LMBRD2: variants seen among roughly 807,000 people sequenced by gnomAD.
The protein encoded by LMBRD2 is G protein-coupled receptor-associated protein LMBRD2.
In LMBRD2, 55 loss-of-function variants were observed where a neutral mutation model predicts 94.4. That is an observed-to-expected ratio of 0.58 (90% confidence interval 0.47 to 0.73). LMBRD2 has a LOEUF of 0.73. LMBRD2 is among the 30% of genes least tolerant of loss of function. The probability of loss-of-function intolerance (pLI) is 0.00; values close to 1 mark genes in which losing one functional copy is unlikely to be tolerated. For missense variants in LMBRD2, 640 were observed against 831.9 expected (o/e 0.77, Z 2.84); for synonymous variants, 246 against 272.4 (o/e 0.90, Z 0.95).
intron 1 of LMBRD2, among the ~76,000 whole-genome samples, chr5:36,150,546 T>C (rs945999528): frequency 6.6e-6 from 1 of 152,246 alleles, no homozygotes; most frequent in African/African-American, 2.4e-5. Context: ...AGTTGCAATC[T>C]TCAGGGAAAG....
chr5:36,113,452 T>C (rs1037949066), intron 13 of LMBRD2, among the ~76,000 whole-genome samples: 1 of 152,116 alleles, frequency 6.6e-6, no homozygotes, highest in African/African-American at 2.4e-5. Flanking sequence ...CAACTCGGTG[T>C]CTGAGGGGTT....
At chr5:36,141,252 G>A in intron 3 of LMBRD2, 50 bp from the exon 4 acceptor site, 1 of 1,029,140 alleles carries the variant, frequency 9.7e-7, no homozygotes, top group Non-Finnish European at 1.5e-6. Flanking sequence ...CTACTTAAAT[G>A]AATTATACAA....
At chr5:36,113,580 G>C (rs947552124) in intron 13 of LMBRD2, among the ~76,000 whole-genome samples, 3 of 151,904 alleles carry the variant, frequency 2.0e-5, no homozygotes, top group African/African-American at 7.3e-5. Flanking sequence ...AACAATATCT[G>C]TTTACTCATT....
chr5:36,115,310 C>T (rs1743714246), intron 11 of LMBRD2, among the ~76,000 whole-genome samples, 190 bp from the exon 12 acceptor site: 2 of 152,174 alleles, frequency 1.3e-5, no homozygotes, highest in South Asian at 4.1e-4. Context: ...AAAATTGCCA[C>T]ATCAATGCCT....
At chr5:36,149,860 T>C (rs1010596012) in intron 1 of LMBRD2, among the ~76,000 whole-genome samples, 1 of 152,128 alleles carries the variant, frequency 6.6e-6, no homozygotes, top group Non-Finnish European at 1.5e-5. Flanking sequence ...TGAGCCGAGA[T>C]TGCGCCATTG....
chr5:36,114,346 T>C, intron 13 of LMBRD2, 78 bp downstream of exon 13: 1 of 1,466,676 alleles, frequency 6.8e-7, no homozygotes, highest in Non-Finnish European at 9.0e-7. Context: ...ACTCAATCAG[T>C]AAATATTTAA....
At chr5:36,118,605 G>T (rs992049015) in intron 9 of LMBRD2, among the ~76,000 whole-genome samples, 1 of 151,354 alleles carries the variant, frequency 6.6e-6, no homozygotes, top group African/African-American at 2.4e-5. Flanking sequence ...TAACATTGGA[G>T]AGCCTGGTTG....
intron 13 of LMBRD2, among the ~76,000 whole-genome samples, chr5:36,111,983 AGT>A (rs1743619125): frequency 2.6e-5 from 4 of 152,030 alleles, no homozygotes; most frequent in Admixed American, 2.6e-4. Context: ...TTATTATATT[AGT>A]TCTCAAACTT....
chr5:36,145,377 C>A (rs538525926), intron 1 of LMBRD2, among the ~76,000 whole-genome samples: 28 of 152,306 alleles, frequency 1.8e-4, no homozygotes, highest in South Asian at 1.0e-3. Flanking sequence ...ACAACTTATA[C>A]CACAACAAAG....
Position 36,104,034 on chromosome 5 carries a change from CT to C in LMBRD2, c.*11del. On this transcript the variant is annotated 3_prime_UTR_variant, in exon 18 of 18. Transcript: ENST00000296603. ...TGACCTTGGTTAGTGGTCCCACAAA[CT>C]TTTTCAGACTTTAAACATCATTAAA... is the stretch of plus-strand genomic sequence containing the variant. The C allele has an allele frequency of 6.2e-7, 1 of 1,606,610 alleles. No individual in the cohort carries two copies. Among genetic ancestry groups the C allele is most frequent in the Non-Finnish European group, 8.5e-7 (1 of 1,174,890 alleles).
rs762650524 is a variant in LMBRD2, at chr5:36,122,435, C to T, written c.965G>A (p.Arg322Gln). The T allele has an allele frequency of 8.1e-6, 13 of 1,613,262 alleles. No individual in the cohort carries two copies. The Admixed American group carries it at 1.0e-4, about 12-fold the overall frequency. The change falls in exon 9 of 18, where the codon CGA becomes CAA. Residue 322 changes from arginine to glutamine, a missense_variant. Arg to Gln is a conservative substitution (Grantham distance 43, BLOSUM62 1). Transcript: ENST00000296603. ...QVIYSVQRHR[R>Q]TQVQWQILLE... The stretch of plus-strand genomic sequence containing the variant: ...AAGAATCTGCCATTGTACTTGAGTT[C>T]GACGGTGTCTCTGAACTGAATAAAT...
chr5:36,147,976 T>G, intron 1 of LMBRD2: 1 of 261,314 alleles, frequency 3.8e-6, no homozygotes, highest in South Asian at 3.3e-5. Flanking sequence ...TAGGTTCCAA[T>G]TGGAAATTTT....
At chr5:36,147,900 AC>A (rs1233006285) in intron 1 of LMBRD2, 1 of 433,118 alleles carries the variant, frequency 2.3e-6, no homozygotes, top group African/African-American at 2.1e-5. Flanking sequence ...AAAATTTCTG[AC>A]CGGAACCTAA....
chr5:36,125,690 T>C (rs1181401448), intron 6 of LMBRD2, among the ~76,000 whole-genome samples: 1 of 152,192 alleles, frequency 6.6e-6, no homozygotes, highest in Non-Finnish European at 1.5e-5. Context: ...AGAATATGCA[T>C]ACTTTATAAA....
intron 6 of LMBRD2, among the ~76,000 whole-genome samples, chr5:36,132,970 T>C (rs1181904187): frequency 6.7e-6 from 1 of 148,990 alleles, no homozygotes; most frequent in Non-Finnish European, 1.5e-5. Context: ...ACAACTACTA[T>C]GGAGAACAGT....
intron 13 of LMBRD2, among the ~76,000 whole-genome samples, chr5:36,112,433 C>T (rs1053460374): frequency 1.3e-5 from 2 of 152,068 alleles, no homozygotes; most frequent in Admixed American, 1.3e-4. Context: ...GGCTGTGTTG[C>T]TAATAGTGTG....
chr5:36,141,125 G>T lies in LMBRD2; in HGVS notation c.350C>A (p.Thr117Lys). 6.3e-7 allele frequency: 1 copy of T among 1,598,740 alleles called. No homozygotes were observed. The highest frequency in any genetic ancestry group is 8.6e-7 in the Non-Finnish European group (1 of 1,168,132). Reference sequence around the variant, plus strand: ...AACTTACCATGTTAAAAATTGTGACGTCCAATACACTACCCTCCAGAAAAT... The same window carrying T: ...AACTTACCATGTTAAAAATTGTGACTTCCAATACACTACCCTCCAGAAAAT... ...MPIFWRVVYWTSQFLTWILLP... is the reference protein window; with the variant it reads ...MPIFWRVVYWKSQFLTWILLP... The change falls in exon 4 of 18, where the codon ACG becomes AAG. Residue 117 changes from threonine to lysine, a missense_variant. Coordinates refer to ENST00000296603, the MANE Select transcript of LMBRD2 (RefSeq NM_001007527.2).
At chr5:36,125,695 T>C (rs192185325) in intron 6 of LMBRD2, among the ~76,000 whole-genome samples, 8 of 152,328 alleles carry the variant, frequency 5.3e-5, no homozygotes, top group Non-Finnish European at 2.9e-5. Flanking sequence ...ATGCATACTT[T>C]ATAAATAATC....
At chr5:36,124,593 C>T (rs1581052350) in intron 6 of LMBRD2, among the ~76,000 whole-genome samples, 3 of 152,214 alleles carry the variant, frequency 2.0e-5, no homozygotes, top group African/African-American at 7.2e-5. Flanking sequence ...ATATGTTCCT[C>T]TGCCTTACTC....
Sources: gnomAD v4.1 joint callset for allele counts (sites outside exome capture counted in the v4.1 genomes callset) on GRCh38, gnomAD v4.1.1 for gene constraint, MANE v1.5 for transcripts, NCBI Gene and HGNC (gene_info 2026-07-23, HGNC 2026-07-21) for gene names.